Variants in BMP6 observed in about 807,000 individuals in gnomAD.
BMP6 encodes VG-1-R.
A neutral mutation model predicts 54.1 loss-of-function variants in BMP6; 17 were observed. That is an observed-to-expected ratio of 0.31 (90% CI 0.22 to 0.47). The LOEUF is 0.47. Among genes scored for constraint, BMP6 ranks in the 20% least tolerant of loss-of-function variants. BMP6 has a pLI of 1.00. For missense variants in BMP6, 720 were observed against 690.4 expected (o/e 1.04, Z -0.48); for synonymous variants, 328 against 291.2 (o/e 1.13, Z -1.28).
At chr6:7,789,299 T>G (rs1758061463) in intron 1 of BMP6, among the ~76,000 whole-genome samples, 1 of 152,184 alleles carries the variant, frequency 6.6e-6, no homozygotes, top group Non-Finnish European at 1.5e-5. Flanking sequence ...ATATGGAAAC[T>G]GAGGTTCTGG....
At chr6:7,772,158 C>G (rs1367469329) in intron 1 of BMP6, among the ~76,000 whole-genome samples, 2 of 152,196 alleles carry the variant, frequency 1.3e-5, no homozygotes, top group Admixed American at 6.5e-5. Context: ...ACTCCCCTCC[C>G]TCTATTTTAC....
intron 1 of BMP6, among the ~76,000 whole-genome samples, chr6:7,802,912 C>G (rs550834972): frequency 6.6e-6 from 1 of 152,250 alleles, no homozygotes; most frequent in East Asian, 1.9e-4. Context: ...ATTCGTTCAC[C>G]GAATGCTCAT....
At chr6:7,842,468 T>C (rs761042976) in intron 1 of BMP6, among the ~76,000 whole-genome samples, 7 of 151,408 alleles carry the variant, frequency 4.6e-5, no homozygotes, top group Non-Finnish European at 8.8e-5. Flanking sequence ...CCTCACAACA[T>C]GGAAGTTTCA....
At chr6:7,745,686 C>A (rs917258739) in intron 1 of BMP6, among the ~76,000 whole-genome samples, 7 of 151,944 alleles carry the variant, frequency 4.6e-5, no homozygotes, top group African/African-American at 1.7e-4. Flanking sequence ...GTACTGGCTG[C>A]AGTAGGGAGG....
intron 1 of BMP6, among the ~76,000 whole-genome samples, chr6:7,749,302 T>G (rs1442241784): frequency 6.6e-6 from 1 of 152,222 alleles, no homozygotes; most frequent in Non-Finnish European, 1.5e-5. Context: ...ATGAACATGT[T>G]TCTATATTCT....
intron 1 of BMP6, among the ~76,000 whole-genome samples, chr6:7,810,979 C>G (rs1758427456): frequency 6.6e-6 from 1 of 152,190 alleles, no homozygotes; most frequent in African/African-American, 2.4e-5. Flanking sequence ...ACTGGGCCCT[C>G]ATTGAAGTAT....
chr6:7,768,455 G>A (rs755011234), intron 1 of BMP6, among the ~76,000 whole-genome samples: 13 of 152,152 alleles, frequency 8.5e-5, no homozygotes, highest in Non-Finnish European at 1.6e-4. Context: ...CCTGGGCAGA[G>A]TGGGGTCCTC....
intron 1 of BMP6, among the ~76,000 whole-genome samples, chr6:7,813,086 C>CCAAAAAAAA (rs1758458099): frequency 2.3e-4 from 1 of 4,388 alleles, no homozygotes; most frequent in African/African-American, 1.3e-3. Flanking sequence ...CCTGTCTCTA[C>CCAAAAAAAA]AAAAAAAAAA....
chr6:7,877,401 C>G (rs548042822), intron 4 of BMP6, among the ~76,000 whole-genome samples: 2 of 152,094 alleles, frequency 1.3e-5, no homozygotes, highest in South Asian at 4.2e-4. Flanking sequence ...ATGGGCAGAT[C>G]ACTTAAGGTC....
intron 1 of BMP6, among the ~76,000 whole-genome samples, chr6:7,804,487 T>C (rs903734579): frequency 2.6e-5 from 4 of 152,222 alleles, no homozygotes; most frequent in Non-Finnish European, 5.9e-5. Flanking sequence ...TCTATGACTA[T>C]TGGGACCAGT....
At chr6:7,769,048 G>T (rs1757742429) in intron 1 of BMP6, among the ~76,000 whole-genome samples, 1 of 152,176 alleles carries the variant, frequency 6.6e-6, no homozygotes, top group African/African-American at 2.4e-5. Flanking sequence ...AGGAGTATAC[G>T]CTTCTCCCCA....
At chr6:7,773,122 C>G (rs1757814712) in intron 1 of BMP6, among the ~76,000 whole-genome samples, 2 of 152,330 alleles carry the variant, frequency 1.3e-5, no homozygotes, top group South Asian at 2.1e-4. Context: ...AGCAGATGCT[C>G]TGTTACGAAA....
chr6:7,750,335 C>T (rs1424801188), intron 1 of BMP6, among the ~76,000 whole-genome samples: 1 of 152,036 alleles, frequency 6.6e-6, no homozygotes, highest in Non-Finnish European at 1.5e-5. Flanking sequence ...AACTTCCGAA[C>T]TGCAGAGGTA....
intron 1 of BMP6, among the ~76,000 whole-genome samples, chr6:7,799,739 A>AT (rs1758241804): frequency 9.9e-6 from 1 of 101,202 alleles, no homozygotes; most frequent in Non-Finnish European, 2.1e-5. Flanking sequence ...TACACTGATT[A>AT]TAAAAAAAAA....
intron 1 of BMP6, among the ~76,000 whole-genome samples, chr6:7,766,146 T>C (rs917684150): frequency 1.3e-5 from 2 of 152,218 alleles, no homozygotes; most frequent in Non-Finnish European, 2.9e-5. Flanking sequence ...TCACAGTTTT[T>C]AAAGGGGAGA....
chr6:7,843,879 C>T (rs189444320), intron 1 of BMP6, among the ~76,000 whole-genome samples: 106 of 152,172 alleles, frequency 7.0e-4, no homozygotes, highest in Non-Finnish European at 1.9e-4. Context: ...ATTTTAAAAA[C>T]GTATTTTTTC....
At position 7,748,336 on chromosome 6, in the gene BMP6, AGTT is replaced by A. The variant is rs529904796; in HGVS notation, c.664+20721_664+20723del. Among the ~76,000 whole-genome samples, 7 of 152,236 alleles carry A rather than the reference AGTT, an allele frequency of 4.6e-5. No individual in the cohort carries two copies. The South Asian group carries it at 1.5e-3, about 32-fold the overall frequency. On this transcript the variant is annotated intron_variant, in intron 1 of 6. Transcript: ENST00000283147. Reference sequence around the variant, plus strand: ...CTCAGTAGTTAGAAGCTTTTATTAGAGTTGTTTGCAATAAGGGGCCATTAAAAA... The same window carrying A: ...CTCAGTAGTTAGAAGCTTTTATTAGAGTTTGCAATAAGGGGCCATTAAAAA...
chr6:7,781,957 A>G (rs1757955013), intron 1 of BMP6, among the ~76,000 whole-genome samples: 1 of 151,372 alleles, frequency 6.6e-6, no homozygotes. Flanking sequence ...TGTGGTGAGG[A>G]TGGTAGGGGC....
chr6:7,813,458 CA>C (rs58314970), intron 1 of BMP6, among the ~76,000 whole-genome samples: 79 of 64,364 alleles, frequency 1.2e-3, no homozygotes, highest in Non-Finnish European at 1.7e-3. Flanking sequence ...CCTGTCTCTA[CA>C]AAAAAAAAAA....
Sources: gnomAD v4.1 joint callset for allele counts (sites outside exome capture counted in the v4.1 genomes callset) on GRCh38, gnomAD v4.1.1 for gene constraint, MANE v1.5 for transcripts, NCBI Gene and HGNC (gene_info 2026-07-23, HGNC 2026-07-21) for gene names.